SGPL1: variants seen among roughly 807,000 people sequenced by gnomAD.
SGPL1 encodes sphingosine-1-phosphate lyase 1.
In SGPL1, 37 loss-of-function variants were observed where a neutral mutation model predicts 68.9. The ratio of observed to expected loss-of-function variants is 0.54; its 90% confidence interval spans 0.41 to 0.71. SGPL1 has a LOEUF of 0.71. SGPL1 is among the 30% of genes least tolerant of loss of function. The pLI is 0.00. For missense variants in SGPL1, 551 were observed against 704.6 expected, an observed-to-expected ratio of 0.78 and a Z score of 2.47; for synonymous variants, 236 against 248.5, an observed-to-expected ratio of 0.95 and a Z score of 0.47.
chr10:70,819,922 G>A (rs1211492194), intron 2 of SGPL1, among the ~76,000 whole-genome samples: 1 of 152,168 alleles, frequency 6.6e-6, no homozygotes, highest in African/African-American at 2.4e-5. Flanking sequence ...ACAGGCATGA[G>A]CCACTGTACC....
chr10:70,864,415 ACCTTTT>A (rs969996034), intron 7 of SGPL1, among the ~76,000 whole-genome samples: 2 of 152,036 alleles, frequency 1.3e-5, no homozygotes, highest in African/African-American at 4.8e-5. Context: ...CTTATTTCAG[ACCTTTT>A]CCTTGAAGTC....
chr10:70,868,439 T>C lies in SGPL1; in HGVS notation c.704+6T>C, dbSNP rs1304820490. Reference sequence around the variant, plus strand: ...GGGATCAAAACTCCAGAAATGTATGTATGTGTGGCTGTTTTGTCCCCTTTT... The same window carrying C: ...GGGATCAAAACTCCAGAAATGTATGCATGTGTGGCTGTTTTGTCCCCTTTT... On this transcript the variant is annotated splice_donor_region_variant and intron_variant, in intron 8 of 14. Coordinates refer to ENST00000373202, the MANE Select transcript of SGPL1 (RefSeq NM_003901.4). 2 of 1,609,618 alleles carry C rather than the reference T, an allele frequency of 1.2e-6. No individual in the cohort carries two copies. Among genetic ancestry groups the C allele is most frequent in the East Asian group, 2.2e-5 (1 of 44,856 alleles).
chr10:70,862,540 G>T (rs1378703141), intron 7 of SGPL1, among the ~76,000 whole-genome samples: 1 of 152,074 alleles, frequency 6.6e-6, no homozygotes. Flanking sequence ...TTGTTCTTTC[G>T]CTCTTTGCAA....
At chr10:70,825,737 G>A (rs1845422158) in intron 2 of SGPL1, among the ~76,000 whole-genome samples, 1 of 152,074 alleles carries the variant, frequency 6.6e-6, no homozygotes, top group Non-Finnish European at 1.5e-5. Flanking sequence ...CTTTCTCAGG[G>A]GGTTCTTTCC....
At chr10:70,870,069 G>A in intron 9 of SGPL1, 172 bp downstream of exon 9, 1 of 526,038 alleles carries the variant, frequency 1.9e-6, no homozygotes, top group Middle Eastern at 5.1e-4. Context: ...TCTTTTCATA[G>A]GTTCATGAAT....
intron 9 of SGPL1, 38 bp downstream of exon 9, chr10:70,869,935 C>T (rs2131939443): frequency 1.3e-6 from 2 of 1,549,398 alleles, no homozygotes; most frequent in Non-Finnish European, 1.8e-6. Context: ...TGTGCTGGGC[C>T]CTGACAGCAG....
intron 2 of SGPL1, among the ~76,000 whole-genome samples, chr10:70,817,730 G>C (rs996039399): frequency 6.6e-6 from 1 of 152,204 alleles, no homozygotes; most frequent in Non-Finnish European, 1.5e-5. Flanking sequence ...TTGTCTTCCA[G>C]ATTAGAGTTA....
At chr10:70,863,128 A>T (rs1473467696) in intron 7 of SGPL1, among the ~76,000 whole-genome samples, 1 of 151,970 alleles carries the variant, frequency 6.6e-6, no homozygotes, top group Non-Finnish European at 1.5e-5. Context: ...CTGGGACTAC[A>T]GGCATGCACC....
rs184430413 is a variant in SGPL1 at position 70,828,068 on chromosome 10, A to G, written c.27+11188A>G. Reference sequence around the variant, plus strand: ...CATTTATGTTTCTAGTTTTTTGGCTATTGTGAATGACACTGCTGCCTTCTT... The same window carrying G: ...CATTTATGTTTCTAGTTTTTTGGCTGTTGTGAATGACACTGCTGCCTTCTT... On this transcript the variant is annotated intron_variant, in intron 2 of 14. Coordinates refer to ENST00000373202, the MANE Select transcript of SGPL1 (RefSeq NM_003901.4). 1.5e-4 allele frequency among the ~76,000 whole-genome samples: 23 copies of G among 152,280 alleles called. No homozygotes were observed. The East Asian group carries it at 4.2e-3, about 28-fold the overall frequency.
chr10:70,853,881 T>C (rs1845923220), intron 4 of SGPL1, among the ~76,000 whole-genome samples: 2 of 152,224 alleles, frequency 1.3e-5, no homozygotes, highest in South Asian at 4.1e-4. Context: ...CTTGTGCTAG[T>C]GTTGAATGGG....
chr10:70,830,313 A>C (rs1252789982), intron 2 of SGPL1, among the ~76,000 whole-genome samples: 2 of 152,192 alleles, frequency 1.3e-5, no homozygotes, highest in African/African-American at 4.8e-5. Context: ...CTCAGCAGTC[A>C]CTTCCTTATT....
intron 2 of SGPL1, among the ~76,000 whole-genome samples, chr10:70,832,071 T>C (rs1470318720): frequency 6.6e-6 from 1 of 152,164 alleles, no homozygotes; most frequent in Non-Finnish European, 1.5e-5. Flanking sequence ...TGCAAACCAA[T>C]ATATACGTAT....
At position 70,875,487 on chromosome 10, in the gene SGPL1, C is replaced by T. The variant is rs371029518; in HGVS notation, c.1384C>T (p.Arg462Ter). ...ALGSRDFDIY[R>*]LSNLMTAKGW... Reference sequence around the variant, plus strand: ...GGGATCCCGTGATTTTGACATCTACCGACTATCAAACCTGATGACTGCTAA... The same window carrying T: ...GGGATCCCGTGATTTTGACATCTACTGACTATCAAACCTGATGACTGCTAA... Residue 462 changes from arginine (R) to a stop codon, truncating the protein, a stop_gained, in exon 13 of 15, where the codon CGA (arginine) becomes TGA (stop). Transcript: ENST00000373202. LOFTEE classifies it high-confidence loss of function. The T allele has an allele frequency of 1.7e-5, 27 of 1,612,724 alleles. No homozygotes were observed. Among genetic ancestry groups the T allele is most frequent in the Non-Finnish European group, 2.3e-5 (27 of 1,178,942 alleles).
At position 70,869,953 on chromosome 10, in the gene SGPL1, C is replaced by T. The variant is rs540092895; in HGVS notation, c.810+56C>T. 1.9e-4 allele frequency: 262 copies of T among 1,394,598 alleles called. 3 individuals carry two copies. The South Asian group carries it at 3.0e-3, about 16-fold the overall frequency. 86.4% of individuals were successfully genotyped at this position (1,394,598 alleles called of 1,614,324 possible). ...GCTGGGCCCTGACAGCAGAAGGGCC[C>T]TCCTGTTGACTAGCCGTTTCCAGTC... On this transcript the variant is annotated intron_variant, in intron 9 of 14. Coordinates refer to ENST00000373202, the MANE Select transcript of SGPL1 (RefSeq NM_003901.4).
At chr10:70,856,027 C>T (rs1016007816) in intron 5 of SGPL1, among the ~76,000 whole-genome samples, 1 of 152,132 alleles carries the variant, frequency 6.6e-6, no homozygotes, top group African/African-American at 2.4e-5. Context: ...CAGAGTCTCA[C>T]TGTGTTGCCC....
chr10:70,846,924 T>G (rs1845800685), intron 3 of SGPL1, among the ~76,000 whole-genome samples: 1 of 152,212 alleles, frequency 6.6e-6, no homozygotes, highest in African/African-American at 2.4e-5. Flanking sequence ...ACTTCTGTTT[T>G]CAGTTCTGCA....
intron 2 of SGPL1, among the ~76,000 whole-genome samples, chr10:70,838,835 T>C (rs1845670850): frequency 6.6e-6 from 1 of 152,230 alleles, no homozygotes; most frequent in South Asian, 2.1e-4. Flanking sequence ...TATGTTTCTG[T>C]TTCTACATGT....
At chr10:70,862,096 A>C (rs1009778335) in intron 7 of SGPL1, among the ~76,000 whole-genome samples, 1 of 151,690 alleles carries the variant, frequency 6.6e-6, no homozygotes, top group African/African-American at 2.4e-5. Context: ...CCGGTGCGGG[A>C]TCCACTGGGT....
At chr10:70,821,082 T>TAA (rs1430643051) in intron 2 of SGPL1, among the ~76,000 whole-genome samples, 1 of 152,236 alleles carries the variant, frequency 6.6e-6, no homozygotes, top group Non-Finnish European at 1.5e-5. Flanking sequence ...TCAATTTTGT[T>TAA]ATCATTTGAT....
Sources: allele counts gnomAD v4.1 joint callset (sites outside exome capture counted in the v4.1 genomes callset), GRCh38; gene constraint gnomAD v4.1.1; transcripts MANE v1.5; gene names NCBI Gene and HGNC (gene_info 2026-07-23, HGNC 2026-07-21).